Variants in LAMC3 observed in about 807,000 individuals in gnomAD.
LAMC3 encodes the protein laminin subunit gamma 3.
In LAMC3, 128 loss-of-function variants were observed where a neutral mutation model predicts 173.8. The observed-to-expected ratio is 0.74, with a 90% CI of 0.64 to 0.85. The LOEUF (loss-of-function observed/expected upper bound fraction) is 0.85. LAMC3 is among the 40% of genes least tolerant of loss of function. The probability of loss-of-function intolerance (pLI) is 0.00; values close to 1 mark genes in which losing one functional copy is unlikely to be tolerated. For synonymous variants in LAMC3, 897 were observed against 909.1 expected, an observed-to-expected ratio of 0.99 and a Z score of 0.24; for missense variants, 2,022 against 2,156.0, an observed-to-expected ratio of 0.94 and a Z score of 1.23.
chr9:131,045,705 G>A (rs1479350689), intron 8 of LAMC3, 45 bp downstream of exon 8: 1 of 1,609,160 alleles, frequency 6.2e-7, no homozygotes, highest in East Asian at 2.2e-5. Context: ...TCTGCTCCCA[G>A]CCTAGGCAGG....
In LAMC3 at chr9:131,026,694, A is replaced by T. The variant is rs953934006; in HGVS notation, c.678+105A>T. 4.2e-6 allele frequency: 6 copies of T among 1,425,954 alleles called. No homozygotes were observed. Among genetic ancestry groups the T allele is most frequent in the Middle Eastern group, 2.6e-4 (1 of 3,880 alleles). 88.3% of individuals were successfully genotyped at this position (1,425,954 alleles called of 1,614,324 possible). A position where few individuals can be genotyped will look rare whatever the true frequency, so the allele number is the denominator to read the frequency against. On this transcript the variant is annotated intron_variant, in intron 2 of 27. Coordinates refer to ENST00000361069, the MANE Select transcript of LAMC3 (RefSeq NM_006059.4). This position sits in a 1 kb window ranked among gnomAD's most constrained non-coding sequence, Gnocchi z 4.8. Reference sequence around the variant, plus strand: ...ACACACAGGGTGGGGGACCTGCAAAACCCCATGGTTTTCTTTTTCTTCTTT... The same window carrying T: ...ACACACAGGGTGGGGGACCTGCAAATCCCCATGGTTTTCTTTTTCTTCTTT...
chr9:131,067,039 G>A lies in LAMC3; in HGVS notation c.2427G>A (p.Gln809=), dbSNP rs1829948338. The A allele has an allele frequency of 1.2e-6, 2 of 1,614,108 alleles. No individual in the cohort carries two copies. The highest frequency in any genetic ancestry group is 8.5e-7 in the Non-Finnish European group (1 of 1,180,016). Residue 809 remains glutamine, a synonymous_variant, in exon 14 of 28, where the codon CAG becomes CAA. Coordinates refer to ENST00000361069, the MANE Select transcript of LAMC3 (RefSeq NM_006059.4). ...TTGGGCACCCCCAGCCCTGCCACCA[G>A]TGCCAGTGTAGCGGGAACGTGGACC... ...GLFGHPQPCH[Q]CQCSGNVDPN... is the part of the protein sequence containing the mutation.
rs760149182 is a variant in LAMC3, at chr9:131,075,965, G to A, written c.3629G>A (p.Arg1210Lys). 2 of 1,605,634 alleles carry A rather than the reference G, an allele frequency of 1.2e-6. No homozygotes were observed. Among genetic ancestry groups the A allele is most frequent in the Admixed American group, 1.7e-5 (1 of 59,592 alleles). The change falls in exon 21 of 28, where the codon AGG (arginine) becomes AAG (lysine). Residue 1210 changes from arginine (R) to lysine (K), a missense_variant and splice_region_variant. Physicochemically the swap from Arg to Lys is conservative, Grantham distance 26 (BLOSUM62 2). Coordinates refer to ENST00000361069, the MANE Select transcript of LAMC3 (RefSeq NM_006059.4). ...ALETQRDLED[R>K]YQEVQAAQKA... The stretch of plus-strand genomic sequence containing the variant: ...GAGACCCAGCGGGACCTGGAGGACA[G>A]GTGAGGCCTCCCCAGGTGTGGGTAG...
chr9:131,079,884 CA>C, intron 23 of LAMC3, among the ~76,000 whole-genome samples: 1 of 152,112 alleles, frequency 6.6e-6, no homozygotes, highest in Non-Finnish European at 1.5e-5. Context: ...CTCATGCCTC[CA>C]TTCATTAGTT....
chr9:131,051,266 G>A (rs1395862427), intron 9 of LAMC3, among the ~76,000 whole-genome samples: 1 of 151,850 alleles, frequency 6.6e-6, no homozygotes, highest in African/African-American at 2.4e-5. Flanking sequence ...TATTTGTCAT[G>A]GTGTTTTTTG....
Position 131,028,117 on chromosome 9 carries a change from AGCC to A in LAMC3, c.678+1529_678+1531del, listed in dbSNP as rs1294220613. Among the ~76,000 whole-genome samples, 15 of 81,176 alleles carry A rather than the reference AGCC, an allele frequency of 1.8e-4. No homozygotes were observed. The African/African-American group carries it at 1.9e-3, about 10-fold the overall frequency. The allele number at this position is 81,176 out of a possible 152,430, so 53.3% of individuals were successfully genotyped here. A position where few individuals can be genotyped will look rare whatever the true frequency, so the allele number is the denominator to read the frequency against. The stretch of plus-strand genomic sequence containing the variant: ...CCTGAGCTCCGCCTCCTGTCAGATC[AGCC>A]TCCTGTCAGATCAGCCTCCTGTCAG... On this transcript the variant is annotated intron_variant, in intron 2 of 27. Transcript: ENST00000361069.
At chr9:131,036,777 C>T (rs1313849315) in intron 4 of LAMC3, among the ~76,000 whole-genome samples, 1 of 152,220 alleles carries the variant, frequency 6.6e-6, no homozygotes, top group Non-Finnish European at 1.5e-5. Flanking sequence ...CTCAGAGAAG[C>T]GCTGGAGAGA....
chr9:131,087,318 T>C (rs1480948308), intron 25 of LAMC3, among the ~76,000 whole-genome samples, 158 bp from the exon 26 acceptor site: 1 of 152,282 alleles, frequency 6.6e-6, no homozygotes, highest in African/African-American at 2.4e-5. Context: ...TGCCCAGCAC[T>C]TAGCCTGCAT....
In LAMC3 at chr9:131,009,676, A is replaced by C. The variant is rs1351153297; in HGVS notation, c.373+89A>C. On this transcript the variant is annotated intron_variant, in intron 1 of 27. Coordinates refer to ENST00000361069, the MANE Select transcript of LAMC3 (RefSeq NM_006059.4). This position sits in a 1 kb window ranked among gnomAD's most constrained non-coding sequence, Gnocchi z 4.3. ...CTGAGGCCTGAGCTGCTGTGCGCCC[A>C]GGTTGGGCTGCAGGACCCAGATATG... 1 of 1,486,372 alleles carries C rather than the reference A, an allele frequency of 6.7e-7. No homozygotes were observed. The highest frequency in any genetic ancestry group is 2.5e-5 in the East Asian group (1 of 39,736). The allele number at this position is 1,486,372 out of a possible 1,614,324, so 92.1% of individuals were successfully genotyped here.
chr9:131,032,208 C>T, intron 3 of LAMC3, 33 bp downstream of exon 3: 4 of 1,550,146 alleles, frequency 2.6e-6, no homozygotes, highest in South Asian at 1.1e-5. Context: ...GGTGGCAGGG[C>T]TCCAGGACCC....
Position 131,009,633 on chromosome 9 carries a change from T to G in LAMC3, c.373+46T>G. 1 of 1,546,344 alleles carries G rather than the reference T, an allele frequency of 6.5e-7. No homozygotes were observed. Among genetic ancestry groups the G allele is most frequent in the Non-Finnish European group, 8.7e-7 (1 of 1,147,626 alleles). On this transcript the variant is annotated intron_variant, in intron 1 of 27. Coordinates refer to ENST00000361069, the MANE Select transcript of LAMC3 (RefSeq NM_006059.4). The surrounding 1 kb of genome is among the most constrained non-coding windows in gnomAD (Gnocchi z 4.3). ...CCGCCACCGCACCCCGTGTCCCCAC[T>G]CCACTGGGGGTCTGAGGCTGAGGCC... is the stretch of plus-strand genomic sequence containing the variant.
In LAMC3 at chr9:131,061,221, G is replaced by A; in HGVS notation, c.2345G>A (p.Arg782Lys). Residue 782 changes from arginine (R) to lysine (K), a missense_variant and splice_region_variant, in exon 13 of 28, where the codon AGA becomes AAA. By Grantham distance (26) the Arg-to-Lys change is conservative. Transcript: ENST00000361069. The stretch of plus-strand genomic sequence containing the variant: ...TGTACCCACTGCCCCCCGGGCCAGA[G>A]AGGTAAGTGACTCCTGCCCCGGAGC... ...VVCTHCPPGQ[R>K]GRRCEVCDDG... is the part of the protein sequence containing the mutation. The A allele has an allele frequency of 6.2e-7, 1 of 1,605,440 alleles. No individual in the cohort carries two copies. The highest frequency in any genetic ancestry group is 8.5e-7 in the Non-Finnish European group (1 of 1,179,120).
At chr9:131,040,939 T>C (rs1344697220) in intron 6 of LAMC3, among the ~76,000 whole-genome samples, 3 of 152,146 alleles carry the variant, frequency 2.0e-5, no homozygotes, top group Admixed American at 2.0e-4. Flanking sequence ...AACCATGTCT[T>C]ATTAGATGAG....
rs377729350 is a variant in LAMC3 at position 131,077,347 on chromosome 9, G to A, written c.3777+13G>A. 7 of 1,613,242 alleles carry A rather than the reference G, an allele frequency of 4.3e-6. No individual in the cohort carries two copies. The highest frequency in any genetic ancestry group is 4.0e-5 in the African/African-American group (3 of 74,926). On this transcript the variant is annotated intron_variant, in intron 22 of 27. Transcript: ENST00000361069. ...CCCGGGAGCTCTGGTCAGCTCAGTT[G>A]TCTCAGAGCTCCGTGTGGGGTCGGG...
In LAMC3 at chr9:131,054,425, G is replaced by A. The variant is rs567226766; in HGVS notation, c.1939+1460G>A. Among the ~76,000 whole-genome samples, 194 of 152,262 alleles carry A rather than the reference G, an allele frequency of 1.3e-3. 7 individuals are homozygous for A. The South Asian group carries it at 0.035, about 28-fold the overall frequency. ...TCTCTCTAAACCTTTCTGTGTGTAC[G>A]TACTTAACATCTGTATTTTTTTAAA... On this transcript the variant is annotated intron_variant, in intron 11 of 27. Coordinates refer to ENST00000361069, the MANE Select transcript of LAMC3 (RefSeq NM_006059.4).
intron 8 of LAMC3, among the ~76,000 whole-genome samples, chr9:131,046,635 G>A (rs1230032922): frequency 2.0e-5 from 3 of 148,540 alleles, no homozygotes; most frequent in African/African-American, 5.0e-5. Context: ...AAAGTGCTGG[G>A]ATTATGAGTG....
rs1830050177 is a variant in LAMC3 at position 131,072,358 on chromosome 9, G to A, written c.3212-272G>A. On this transcript the variant is annotated intron_variant, in intron 18 of 27. Transcript: ENST00000361069. ...AATCAGAGCTGATTTGAAGGGTCCA[G>A]AATTGCTTGTGTGGCTCCAGAAGGC... Among the ~76,000 whole-genome samples, 6 of 152,318 alleles carry A rather than the reference G, an allele frequency of 3.9e-5. 1 individual carries two copies. In the South Asian group the frequency reaches 1.2e-3, roughly 32 times the overall value.
At chr9:131,033,536 C>T (rs1203039929) in intron 3 of LAMC3, among the ~76,000 whole-genome samples, 3 of 152,024 alleles carry the variant, frequency 2.0e-5, no homozygotes, top group Non-Finnish European at 4.4e-5. Context: ...GAGAGGTTGG[C>T]AGAGTGTCAG....
intron 7 of LAMC3, among the ~76,000 whole-genome samples, chr9:131,043,193 G>T (rs1166234988): frequency 6.6e-6 from 1 of 152,234 alleles, no homozygotes; most frequent in African/African-American, 2.4e-5. Context: ...AGCTCTGCAA[G>T]TCAAAGGGGC....
Sources: allele counts gnomAD v4.1 joint callset (sites outside exome capture counted in the v4.1 genomes callset), GRCh38; gene constraint gnomAD v4.1.1; non-coding constraint Gnocchi (gnomAD v3.1); transcripts MANE v1.5; gene names NCBI Gene and HGNC (gene_info 2026-07-23, HGNC 2026-07-21).